RELN: variants seen among roughly 807,000 people sequenced by gnomAD.
RELN encodes reelin.
Under a neutral mutation model 427.6 loss-of-function variants are expected in RELN, and 108 were observed. The observed-to-expected ratio is 0.25, with a 90% confidence interval of 0.22 to 0.30. The LOEUF (loss-of-function observed/expected upper bound fraction) is 0.30. Ranked by LOEUF, RELN falls within the 10% of genes least tolerant of loss-of-function variation. RELN has a pLI of 1.00. For missense variants in RELN, 3,715 were observed against 4,302.8 expected, an observed-to-expected ratio of 0.86 and a Z score of 3.82; for synonymous variants, 1,524 against 1,513.4, an observed-to-expected ratio of 1.01 and a Z score of -0.16.
chr7:103,698,115 C>G, intron 9 of RELN, 22 bp from the exon 10 acceptor site: 1 of 1,613,322 alleles, frequency 6.2e-7, no homozygotes, highest in Non-Finnish European at 8.5e-7. Context: ...AGAGAGATGG[C>G]AAGTTTAGCA....
At chr7:103,823,963 T>C (rs1322509514) in intron 3 of RELN, among the ~76,000 whole-genome samples, 1 of 152,156 alleles carries the variant, frequency 6.6e-6, no homozygotes, top group Non-Finnish European at 1.5e-5. Flanking sequence ...ACAATTCACT[T>C]TGATGATATT....
chr7:103,540,084 A>G, intron 44 of RELN, 113 bp downstream of exon 44: 1 of 1,214,996 alleles, frequency 8.2e-7, no homozygotes, highest in Non-Finnish European at 1.2e-6. Flanking sequence ...AAGTCACTCA[A>G]CTGTCAGTTC....
intron 57 of RELN, among the ~76,000 whole-genome samples, chr7:103,494,345 A>G (rs1828761304): frequency 7.1e-6 from 1 of 140,208 alleles, no homozygotes; most frequent in African/African-American, 2.8e-5. Flanking sequence ...TAGTAATACA[A>G]TACATTTCTG....
At chr7:103,614,404 G>A (rs1832034208) in intron 20 of RELN, among the ~76,000 whole-genome samples, 1 of 152,214 alleles carries the variant, frequency 6.6e-6, no homozygotes, top group Non-Finnish European at 1.5e-5. Context: ...AAGGTGGAAG[G>A]TGAATTTATC....
chr7:103,481,602 T>A (rs1443083026), intron 63 of RELN, among the ~76,000 whole-genome samples: 1 of 152,194 alleles, frequency 6.6e-6, no homozygotes, highest in Non-Finnish European at 1.5e-5. Flanking sequence ...TTTTTTGATG[T>A]CTTCAAAAGC....
At chr7:103,813,753 G>A (rs1227783559) in intron 3 of RELN, among the ~76,000 whole-genome samples, 1 of 152,036 alleles carries the variant, frequency 6.6e-6, no homozygotes, top group Non-Finnish European at 1.5e-5. Flanking sequence ...AGAAAAAGAG[G>A]AAAGCTTGAA....
intron 64 of RELN, among the ~76,000 whole-genome samples, chr7:103,475,679 A>T (rs1460382220): frequency 6.6e-6 from 1 of 152,204 alleles, no homozygotes; most frequent in African/African-American, 2.4e-5. Flanking sequence ...TTTTAACAAA[A>T]CTTGATGTGC....
At chr7:103,765,575 G>C (rs531164260) in intron 4 of RELN, among the ~76,000 whole-genome samples, 1 of 152,104 alleles carries the variant, frequency 6.6e-6, no homozygotes, top group Admixed American at 6.5e-5. Context: ...AATAATGTTG[G>C]ATTAATAAAC....
rs568161388 is a variant in RELN, at chr7:103,688,375, T to C, written c.1144-6114A>G. Among the ~76,000 whole-genome samples the C allele has an allele frequency of 4.4e-4, 67 of 152,226 alleles. 1 individual carries two copies. In the South Asian group the frequency reaches 0.013, roughly 29 times the overall value. On this transcript the variant is annotated intron_variant, in intron 10 of 64. Coordinates refer to ENST00000428762, the MANE Select transcript of RELN (RefSeq NM_005045.4). ...AAATCTGATTTTCTCTTATTTGTCCTGTATATTGTCAGAATATAAAACCAT... is the reference window on the plus strand; with the variant it reads ...AAATCTGATTTTCTCTTATTTGTCCCGTATATTGTCAGAATATAAAACCAT...
chr7:103,795,760 G>A (rs1332241556), intron 3 of RELN, among the ~76,000 whole-genome samples: 1 of 152,124 alleles, frequency 6.6e-6, no homozygotes, highest in Admixed American at 6.6e-5. Context: ...ACTAACAGCA[G>A]GAAAATAATG....
chr7:103,638,859 A>C (rs569220249), intron 17 of RELN, among the ~76,000 whole-genome samples: 1 of 152,248 alleles, frequency 6.6e-6, no homozygotes, highest in Non-Finnish European at 1.5e-5. Flanking sequence ...GGTAGCCTTA[A>C]TGAAACCACT....
intron 10 of RELN, among the ~76,000 whole-genome samples, chr7:103,691,801 A>G (rs2299365): frequency 0.21 from 32,459 of 152,010 alleles, 4,710 homozygotes; most frequent in African/African-American, 0.4. Flanking sequence ...CAACACAGCA[A>G]GACTCTTTCT....
intron 3 of RELN, among the ~76,000 whole-genome samples, chr7:103,818,915 T>C (rs1792948332): frequency 6.6e-6 from 1 of 152,012 alleles, no homozygotes; most frequent in East Asian, 1.9e-4. Context: ...TTCATGTTAC[T>C]TTTTTTTAAA....
intron 6 of RELN, among the ~76,000 whole-genome samples, chr7:103,730,563 G>C (rs1380915361): frequency 6.6e-6 from 1 of 151,728 alleles, no homozygotes; most frequent in Non-Finnish European, 1.5e-5. Flanking sequence ...CAATCCACTA[G>C]ACGCTTCTCT....
chr7:103,930,935 CTT>C (rs1181685140), intron 1 of RELN, among the ~76,000 whole-genome samples: 9 of 148,092 alleles, frequency 6.1e-5, no homozygotes, highest in Non-Finnish European at 1.2e-4. Flanking sequence ...TTTTAAATGA[CTT>C]TTGAAATCCA....
At chr7:103,502,012 C>A (rs1305584585) in intron 52 of RELN, among the ~76,000 whole-genome samples, 1 of 152,210 alleles carries the variant, frequency 6.6e-6, no homozygotes, top group Admixed American at 6.5e-5. Flanking sequence ...AGTATGCCGC[C>A]AGTGCCGTGG....
chr7:103,583,290 A>G (rs1831196065), intron 28 of RELN, among the ~76,000 whole-genome samples: 1 of 152,184 alleles, frequency 6.6e-6, no homozygotes, highest in African/African-American at 2.4e-5. Context: ...TCACGGAACT[A>G]GTTAGCCACC....
chr7:103,580,684 C>T (rs1831110495), intron 28 of RELN, among the ~76,000 whole-genome samples: 1 of 152,174 alleles, frequency 6.6e-6, no homozygotes. Context: ...ATCACCTGAG[C>T]AGTGATCATT....
At chr7:103,541,932 A>T (rs1830185751) in intron 43 of RELN, among the ~76,000 whole-genome samples, 1 of 152,314 alleles carries the variant, frequency 6.6e-6, no homozygotes, top group South Asian at 2.1e-4. Context: ...AGTATTTGGG[A>T]AAAAGAAGGG....
Sources: allele counts gnomAD v4.1 joint callset (sites outside exome capture counted in the v4.1 genomes callset), GRCh38; gene constraint gnomAD v4.1.1; transcripts MANE v1.5; gene names NCBI Gene and HGNC (gene_info 2026-07-23, HGNC 2026-07-21).